Variants in PIGK observed in about 807,000 individuals in gnomAD.
The protein encoded by PIGK is phosphatidylinositol glycan anchor biosynthesis class K, also known as GPI-anchor transamidase.
A neutral mutation model predicts 50.6 loss-of-function variants in PIGK; 42 were observed. The ratio of observed to expected loss-of-function variants is 0.83; its 90% CI spans 0.65 to 1.07. The LOEUF (loss-of-function observed/expected upper bound fraction) is 1.07, where lower values mean the gene tolerates loss of function less well. Among genes scored for constraint, PIGK ranks in the 50% least tolerant of loss-of-function variants. The probability of loss-of-function intolerance (pLI) is 0.00; values close to 1 mark genes in which losing one functional copy is unlikely to be tolerated. For synonymous variants in PIGK, 151 were observed against 156.0 expected (o/e 0.97, Z 0.24); for missense variants, 448 against 488.7 (o/e 0.92, Z 0.78).
chr1:77,178,933 T>C (rs1385698390), intron 3 of PIGK, among the ~76,000 whole-genome samples: 1 of 152,174 alleles, frequency 6.6e-6, no homozygotes, highest in African/African-American at 2.4e-5. Context: ...TTGGTCACAC[T>C]CTCACCTAAG....
intron 3 of PIGK, among the ~76,000 whole-genome samples, chr1:77,192,137 A>G (rs148940782): frequency 6.6e-6 from 1 of 152,106 alleles, no homozygotes; most frequent in East Asian, 1.9e-4. Context: ...CCTGTCTCAA[A>G]AAAAAAAAAA....
rs1188062301 is a variant in PIGK at position 77,145,769 on chromosome 1, T to A, written c.986+8680A>T. 3.3e-5 allele frequency among the ~76,000 whole-genome samples: 5 copies of A among 151,190 alleles called. No individual in the cohort carries two copies. The East Asian group carries it at 5.8e-4, about 18-fold the overall frequency. On this transcript the variant is annotated intron_variant, in intron 9 of 10. Transcript: ENST00000370812. ...ACAACCTTGAAAATGAAAAAAAAAA[T>A]TTGGAGGACTTATATAATTTCAGGA...
intron 3 of PIGK, among the ~76,000 whole-genome samples, chr1:77,175,428 G>A (rs968768163): frequency 6.6e-6 from 1 of 152,162 alleles, no homozygotes; most frequent in African/African-American, 2.4e-5. Flanking sequence ...GTCTGTGTAA[G>A]TCATGAAAGG....
At chr1:77,189,869 C>T (rs71658785) in intron 3 of PIGK, among the ~76,000 whole-genome samples, 17,002 of 150,988 alleles carry the variant, frequency 0.11, 1,299 homozygotes, top group African/African-American at 0.21. Flanking sequence ...TCAAGTATTG[C>T]AGTCATAAAA....
Position 77,168,642 on chromosome 1 carries a change from A to G in PIGK, c.375+618T>C, listed in dbSNP as rs943560504. 3.3e-5 allele frequency among the ~76,000 whole-genome samples: 5 copies of G among 149,262 alleles called. 1 individual carries two copies. Among genetic ancestry groups the G allele is most frequent in the African/African-American group, 1.0e-4 (4 of 39,274 alleles). On this transcript the variant is annotated intron_variant, in intron 4 of 10. Transcript: ENST00000370812. The stretch of plus-strand genomic sequence containing the variant: ...TAGATATGCTTTTAAAATTGCTTCA[A>G]AAGTGGTCTAGGAACACACAGGAAA...
intron 10 of PIGK, among the ~76,000 whole-genome samples, chr1:77,111,854 C>A (rs1216578205): frequency 6.6e-6 from 1 of 151,898 alleles, no homozygotes; most frequent in Non-Finnish European, 1.5e-5. Context: ...CTAGAAACAC[C>A]TTAGTAAATC....
At chr1:77,093,553 A>C (rs560817679) in intron 10 of PIGK, among the ~76,000 whole-genome samples, 16 of 152,290 alleles carry the variant, frequency 1.1e-4, no homozygotes, top group African/African-American at 3.6e-4. Flanking sequence ...ACTAAAAGGA[A>C]AGAAAGCTAC....
chr1:77,109,992 A>G (rs1212546557), intron 10 of PIGK, among the ~76,000 whole-genome samples: 1 of 152,222 alleles, frequency 6.6e-6, no homozygotes, highest in African/African-American at 2.4e-5. Flanking sequence ...CCAAATCATG[A>G]GTGAACTCCC....
At chr1:77,108,176 T>C (rs1653738503) in intron 10 of PIGK, among the ~76,000 whole-genome samples, 1 of 152,228 alleles carries the variant, frequency 6.6e-6, no homozygotes, top group African/African-American at 2.4e-5. Flanking sequence ...TGCAGTTTCT[T>C]CTTAGCATCG....
At chr1:77,125,066 C>T (rs1213353661) in intron 9 of PIGK, among the ~76,000 whole-genome samples, 1 of 152,162 alleles carries the variant, frequency 6.6e-6, no homozygotes, top group African/African-American at 2.4e-5. Context: ...ATGACAAAGT[C>T]ACTCTTCATT....
chr1:77,217,434 T>C (rs1255305121), intron 1 of PIGK, among the ~76,000 whole-genome samples: 2 of 152,094 alleles, frequency 1.3e-5, no homozygotes, highest in African/African-American at 2.4e-5. Flanking sequence ...TTAGCCTAAC[T>C]AGAAGTTTGA....
rs367930325 is a variant in PIGK at position 77,159,455 on chromosome 1, C to T, written c.813+1840G>A. ...AGTGGAGCTGTGAGAAGAGGGCCACCGTCCTCCAGGTCCCAGAATGGTAGA... is the reference window on the plus strand; with the variant it reads ...AGTGGAGCTGTGAGAAGAGGGCCACTGTCCTCCAGGTCCCAGAATGGTAGA... On this transcript the variant is annotated intron_variant, in intron 8 of 10. Coordinates refer to ENST00000370812, the MANE Select transcript of PIGK (RefSeq NM_005482.3). Among the ~76,000 whole-genome samples the T allele has an allele frequency of 6.2e-4, 94 of 152,254 alleles. 1 individual carries two copies. In the South Asian group the frequency reaches 0.019, roughly 30 times the overall value.
chr1:77,117,359 A>G (rs1007731728), intron 10 of PIGK, among the ~76,000 whole-genome samples: 1 of 152,238 alleles, frequency 6.6e-6, no homozygotes, highest in Non-Finnish European at 1.5e-5. Flanking sequence ...CATAATTTGG[A>G]AATGAACAGA....
intron 10 of PIGK, among the ~76,000 whole-genome samples, chr1:77,119,236 A>C (rs576880273): frequency 6.6e-6 from 1 of 152,208 alleles, no homozygotes; most frequent in Non-Finnish European, 1.5e-5. Flanking sequence ...GAATTGCTAA[A>C]TTGGGAGAAT....
intron 3 of PIGK, among the ~76,000 whole-genome samples, chr1:77,179,263 A>C (rs559404929): frequency 6.6e-6 from 1 of 152,314 alleles, no homozygotes; most frequent in East Asian, 1.9e-4. Context: ...TGACAGTGAC[A>C]TTAATGATTA....
At chr1:77,164,744 G>C (rs11162281) in intron 5 of PIGK, among the ~76,000 whole-genome samples, 26,416 of 151,118 alleles carry the variant, frequency 0.17, 2,509 homozygotes, top group East Asian at 0.36. Flanking sequence ...ACCCTGGCCA[G>C]ATTCTTGGGT....
chr1:77,123,161 A>G (rs1430825680), intron 9 of PIGK, among the ~76,000 whole-genome samples: 3 of 152,210 alleles, frequency 2.0e-5, no homozygotes, highest in Admixed American at 2.0e-4. Flanking sequence ...AAATGAAGAA[A>G]ATGTAGTATA....
chr1:77,162,967 C>T (rs1454210996), intron 6 of PIGK, among the ~76,000 whole-genome samples: 2 of 152,142 alleles, frequency 1.3e-5, no homozygotes, highest in Non-Finnish European at 2.9e-5. Context: ...GTTATTTAAT[C>T]TTTCTGTGCC....
At chr1:77,103,648 G>A (rs1021921400) in intron 10 of PIGK, among the ~76,000 whole-genome samples, 2 of 152,178 alleles carry the variant, frequency 1.3e-5, no homozygotes, top group Non-Finnish European at 2.9e-5. Context: ...CACAAGAAAA[G>A]AGACCCAAAC....
Sources: gnomAD v4.1 joint callset for allele counts (sites outside exome capture counted in the v4.1 genomes callset) on GRCh38, gnomAD v4.1.1 for gene constraint, MANE v1.5 for transcripts, NCBI Gene and HGNC (gene_info 2026-07-23, HGNC 2026-07-21) for gene names.